Variants in CSMD2 observed in about 807,000 individuals in gnomAD.
CSMD2 encodes the protein CUB and sushi domain-containing protein 2.
In CSMD2, 130 loss-of-function variants were observed where a neutral mutation model predicts 398.5. That is an observed-to-expected ratio of 0.33 (90% confidence interval 0.28 to 0.38). The LOEUF (loss-of-function observed/expected upper bound fraction) is 0.38, where lower values mean the gene tolerates loss of function less well. CSMD2 is among the 10% of genes least tolerant of loss of function. The probability of loss-of-function intolerance (pLI) is 1.00; values close to 1 mark genes in which losing one functional copy is unlikely to be tolerated. For synonymous variants in CSMD2, 1,828 were observed against 1,908.5 expected (o/e 0.96, Z 1.10); for missense variants, 3,829 against 4,764.9 (o/e 0.80, Z 5.78).
chr1:34,153,959 A>G (rs963385405), intron 1 of CSMD2, among the ~76,000 whole-genome samples: 1 of 152,376 alleles, frequency 6.6e-6, no homozygotes, highest in East Asian at 1.9e-4. Context: ...TGGATTAAAG[A>G]CTAGAAGAAG....
chr1:34,160,120 G>A (rs1641194771), intron 1 of CSMD2, among the ~76,000 whole-genome samples: 1 of 152,136 alleles, frequency 6.6e-6, no homozygotes, highest in African/African-American at 2.4e-5. Context: ...TGCTGCTGAA[G>A]CTGCCTGCTG....
At position 33,636,864 on chromosome 1, in the gene CSMD2, A is replaced by C. The variant is rs1478355107; in HGVS notation, c.4775-310T>G. ...CTCATCCCCTGCTTGCTCCTCCCCA[A>C]GGGAAACATGTGTTTCTCTGGCTGG... On this transcript the variant is annotated intron_variant, in intron 29 of 70. Transcript: ENST00000373381. This position sits in a 1 kb window ranked among gnomAD's most constrained non-coding sequence, Gnocchi z 4.8. 6.6e-6 allele frequency among the ~76,000 whole-genome samples: 1 copy of C among 152,106 alleles called. No individual in the cohort carries two copies. The highest frequency in any genetic ancestry group is 6.5e-5 in the Admixed American group (1 of 15,278).
intron 42 of CSMD2, among the ~76,000 whole-genome samples, chr1:33,603,863 AAAGG>A (rs1239172783): frequency 6.6e-6 from 1 of 152,228 alleles, no homozygotes; most frequent in Non-Finnish European, 1.5e-5. Flanking sequence ...GCTGTATGGG[AAAGG>A]AACAACATAT....
chr1:33,684,388 T>C (rs146237753), intron 25 of CSMD2, among the ~76,000 whole-genome samples: 2 of 152,246 alleles, frequency 1.3e-5, no homozygotes, highest in African/African-American at 4.8e-5. Context: ...GAGTGAGAAG[T>C]TCTCCACCTT....
At chr1:33,952,477 T>G (rs1484915542) in intron 3 of CSMD2, among the ~76,000 whole-genome samples, 1 of 152,228 alleles carries the variant, frequency 6.6e-6, no homozygotes, top group Non-Finnish European at 1.5e-5. Flanking sequence ...AACTCAAATG[T>G]CACCTCCTCA....
intron 3 of CSMD2, among the ~76,000 whole-genome samples, chr1:33,999,600 C>T (rs779738211): frequency 4.0e-5 from 6 of 151,852 alleles, no homozygotes; most frequent in Admixed American, 3.9e-4. Context: ...TTATATTGCC[C>T]AGTCTGGTCT....
chr1:33,968,340 C>A (rs910112941), intron 3 of CSMD2, among the ~76,000 whole-genome samples: 2 of 152,202 alleles, frequency 1.3e-5, no homozygotes, highest in Non-Finnish European at 2.9e-5. Context: ...TGACTCCCAA[C>A]AATCCTCTAG....
Position 33,997,539 on chromosome 1 carries a change from CCT to C in CSMD2, c.517+35053_517+35054del, listed in dbSNP as rs1646765572. On this transcript the variant is annotated intron_variant, in intron 3 of 70. Transcript: ENST00000373381. ...TAGCTCCTGTTCCCTGTCTTCCTCC[CCT>C]CTCTCAGTCCCACCCTCCCACCAGG... Among the ~76,000 whole-genome samples the C allele has an allele frequency of 2.0e-5, 3 of 152,160 alleles. No homozygotes were observed. The South Asian group carries it at 6.2e-4, about 32-fold the overall frequency.
chr1:33,636,825 C>T lies in CSMD2; in HGVS notation c.4775-271G>A, dbSNP rs553777786. Reference sequence around the variant, plus strand: ...ACAGAGGAAGGAGGCCCAGCAAAATCGCTGAGGCCCTCTCTCATCCCCTGC... The same window carrying T: ...ACAGAGGAAGGAGGCCCAGCAAAATTGCTGAGGCCCTCTCTCATCCCCTGC... On this transcript the variant is annotated intron_variant, in intron 29 of 70. Transcript: ENST00000373381. The surrounding 1 kb of genome is among the most constrained non-coding windows in gnomAD (Gnocchi z 4.8). Among the ~76,000 whole-genome samples the T allele has an allele frequency of 5.9e-5, 9 of 152,298 alleles. No homozygotes were observed. In the East Asian group the frequency reaches 1.6e-3, roughly 26 times the overall value.
intron 58 of CSMD2, among the ~76,000 whole-genome samples, chr1:33,542,390 T>C (rs549279934): frequency 2.0e-5 from 3 of 152,344 alleles, no homozygotes; most frequent in African/African-American, 7.2e-5. Context: ...GCCCAAGGAA[T>C]TGGCTAGAGC....
chr1:33,930,565 C>G (rs1417879235), intron 4 of CSMD2, among the ~76,000 whole-genome samples: 4 of 152,222 alleles, frequency 2.6e-5, no homozygotes, highest in Admixed American at 2.6e-4. Flanking sequence ...CAGCTTTCTC[C>G]CTACCACCTG....
intron 1 of CSMD2, among the ~76,000 whole-genome samples, chr1:34,121,713 C>T (rs1363924585): frequency 1.3e-5 from 2 of 152,056 alleles, no homozygotes; most frequent in African/African-American, 2.4e-5. Context: ...TTAAAATTAG[C>T]CCTCTGGGAG....
chr1:33,610,287 T>G (rs571514674), intron 41 of CSMD2, among the ~76,000 whole-genome samples: 2 of 152,060 alleles, frequency 1.3e-5, no homozygotes, highest in Non-Finnish European at 2.9e-5. Context: ...AAAATATTTT[T>G]AAAAATTCAG....
Position 33,546,061 on chromosome 1 carries a change from T to C in CSMD2, c.9076A>G (p.Ser3026Gly). 2 of 1,613,716 alleles carry C rather than the reference T, an allele frequency of 1.2e-6. No homozygotes were observed. Among genetic ancestry groups the C allele is most frequent in the South Asian group, 1.1e-5 (1 of 91,070 alleles). Residue 3026 changes from serine to glycine, a missense_variant, in exon 57 of 71, where the codon AGC (serine) becomes GGC (glycine). By Grantham distance (56) the Ser-to-Gly change is moderately conservative. Coordinates refer to ENST00000373381, the MANE Select transcript of CSMD2 (RefSeq NM_001281956.2). ...CCTCCACACTCAGGCTGCGAGCCGC[T>C]CCACGAGCCATTGGCTTGACAGGTG... ...ERTCQANGSW[S>G]GSQPECGVIS...
intron 13 of CSMD2, among the ~76,000 whole-genome samples, chr1:33,751,776 G>A (rs1012839088): frequency 4.0e-4 from 60 of 151,276 alleles, no homozygotes; most frequent in African/African-American, 1.4e-3. Context: ...GTGCCACCAC[G>A]CCCAGCTAAT....
chr1:33,976,615 G>A (rs147639891), intron 3 of CSMD2, among the ~76,000 whole-genome samples: 3 of 152,138 alleles, frequency 2.0e-5, no homozygotes, highest in Middle Eastern at 3.2e-3. Flanking sequence ...GGCATGATGC[G>A]AGTGGTCCAG....
rs564913710 is a variant in CSMD2 at position 33,805,469 on chromosome 1, A to C, written c.1446+5274T>G. Among the ~76,000 whole-genome samples the C allele has an allele frequency of 2.6e-5, 4 of 152,344 alleles. No individual in the cohort carries two copies. The South Asian group carries it at 8.3e-4, about 32-fold the overall frequency. ...CCAGGCACCCGGACCAAACAATTTT[A>C]AAGTGTTAGGTAAAATTTTAAAATG... On this transcript the variant is annotated intron_variant, in intron 10 of 70. Coordinates refer to ENST00000373381, the MANE Select transcript of CSMD2 (RefSeq NM_001281956.2).
At chr1:33,990,773 G>A (rs1442178115) in intron 3 of CSMD2, among the ~76,000 whole-genome samples, 1 of 152,174 alleles carries the variant, frequency 6.6e-6, no homozygotes, top group Non-Finnish European at 1.5e-5. Context: ...TTGAGGCCAG[G>A]GGTGAGCCTA....
At position 33,636,284 on chromosome 1, in the gene CSMD2, C is replaced by T; in HGVS notation, c.4969+76G>A. On this transcript the variant is annotated intron_variant, in intron 30 of 70. Transcript: ENST00000373381. This position sits in a 1 kb window ranked among gnomAD's most constrained non-coding sequence, Gnocchi z 4.8. ...CTTGAGGACCTTGCCCCCCTCCCTT[C>T]CCCAGCCCACAGCACCCTCTGCCCC... 1 of 1,427,406 alleles carries T rather than the reference C, an allele frequency of 7.0e-7. No homozygotes were observed. Among genetic ancestry groups the T allele is most frequent in the Non-Finnish European group, 9.5e-7 (1 of 1,058,062 alleles). 88.4% of individuals were successfully genotyped at this position (1,427,406 alleles called of 1,614,324 possible).
Sources: allele counts gnomAD v4.1 joint callset (sites outside exome capture counted in the v4.1 genomes callset), GRCh38; gene constraint gnomAD v4.1.1; non-coding constraint Gnocchi (gnomAD v3.1); transcripts MANE v1.5; gene names NCBI Gene and HGNC (gene_info 2026-07-23, HGNC 2026-07-21).